Variants in MYCBPAP observed in about 807,000 individuals in gnomAD.
MYCBPAP encodes the protein MYCBP associated protein.
A neutral mutation model predicts 106.1 loss-of-function variants in MYCBPAP; 60 were observed. That is an observed-to-expected ratio of 0.57 (90% CI 0.46 to 0.70). The LOEUF is 0.70. Ranked by LOEUF, MYCBPAP falls within the 30% of genes least tolerant of loss-of-function variation. The probability of loss-of-function intolerance (pLI) is 0.00; values close to 1 mark genes in which losing one functional copy is unlikely to be tolerated. For missense variants in MYCBPAP, 1,064 were observed against 1,169.3 expected (o/e 0.91, Z 1.31); for synonymous variants, 407 against 440.6 (o/e 0.92, Z 0.95).
At chr17:50,529,360 T>C in intron 18 of MYCBPAP, 172 bp downstream of exon 18, 2 of 634,062 alleles carry the variant, frequency 3.2e-6, no homozygotes, top group Non-Finnish European at 2.7e-6. Flanking sequence ...CCTAGCATGT[T>C]AGGTGATGAG....
chr17:50,515,904 C>A (rs1202654247), intron 1 of MYCBPAP: 3 of 152,336 alleles, frequency 2.0e-5, no homozygotes, highest in Admixed American at 1.3e-4. Flanking sequence ...AACTCCTGGG[C>A]CCAAGCAATC....
At chr17:50,509,988 G>A (rs868231784) in intron 1 of MYCBPAP, 1 of 152,252 alleles carries the variant, frequency 6.6e-6, no homozygotes, top group Non-Finnish European at 1.5e-5. Context: ...GGTCTAGGAA[G>A]CAGCATGAGT....
Position 50,527,380 on chromosome 17 carries a change from T to C in MYCBPAP, c.2263T>C (p.Leu755=), listed in dbSNP as rs764660692. 1.9e-5 allele frequency: 31 copies of C among 1,613,950 alleles called. No individual in the cohort carries two copies. The highest frequency in any genetic ancestry group is 1.4e-4 in the South Asian group (13 of 91,072). ...GGAGCTGTGCCAGAAGCCAAGGCCA[T>C]TGCAGTCCAACCTCCTGCACCAGAT... is the stretch of plus-strand genomic sequence containing the variant. ...ALELCQKPRP[L]QSNLLHQMCL... is the part of the protein sequence containing the mutation. The change falls in exon 15 of 19, where the codon TTG becomes CTG. Residue 755 remains leucine (L), a synonymous_variant. Transcript: ENST00000323776.
At position 50,525,916 on chromosome 17, in the gene MYCBPAP, C is replaced by A. The variant is rs1224068621; in HGVS notation, c.1818C>A (p.His606Gln). The A allele has an allele frequency of 1.9e-6, 3 of 1,612,488 alleles. No homozygotes were observed. In the African/African-American group the frequency reaches 4.0e-5, roughly 22 times the overall value. Residue 606 changes from histidine to glutamine, a missense_variant, in exon 14 of 19, where the codon CAC (histidine) becomes CAA (glutamine). Physicochemically the swap from His to Gln is conservative, Grantham distance 24. Coordinates refer to ENST00000323776, the MANE Select transcript of MYCBPAP (RefSeq NM_032133.6). ...AGCACCAAGTGGTGCAAAGCCTGCA[C>A]CAACTGTGGCGCCAGTACATGACCC... ...HYEHQVVQSL[H>Q]QLWRQYMTLP...
intron 2 of MYCBPAP, 25 bp downstream of exon 2, chr17:50,516,722 T>G: frequency 1.2e-6 from 2 of 1,612,946 alleles, no homozygotes; most frequent in Non-Finnish European, 1.7e-6. Flanking sequence ...CAAGCTTCCC[T>G]TACCATAGAA....
chr17:50,527,458 C>G, intron 15 of MYCBPAP, 50 bp downstream of exon 15: 1 of 1,607,604 alleles, frequency 6.2e-7, no homozygotes, highest in Non-Finnish European at 8.5e-7. Context: ...TTTGTGGCAT[C>G]TGCAGGGGTC....
chr17:50,513,841 A>T (rs1371500253), intron 1 of MYCBPAP, among the ~76,000 whole-genome samples: 1 of 152,184 alleles, frequency 6.6e-6, no homozygotes, highest in African/African-American at 2.4e-5. Flanking sequence ...TTTGTGTAGA[A>T]GGGAGAAGGG....
intron 14 of MYCBPAP, among the ~76,000 whole-genome samples, chr17:50,526,898 A>G (rs1473743922): frequency 2.0e-5 from 3 of 152,048 alleles, no homozygotes; most frequent in African/African-American, 7.2e-5. Context: ...TATTTTTAGT[A>G]GAGACGGGGT....
intron 10 of MYCBPAP, chr17:50,522,709 A>AAATATATATATATATATAT: frequency 1.4e-4 from 7 of 50,040 alleles, no homozygotes; most frequent in African/African-American, 7.2e-4. Context: ...AAAAAAAAAA[A>AAATATATATATATATATAT]ATATATATAT....
Position 50,517,682 on chromosome 17 carries a change from C to A in MYCBPAP, c.452C>A (p.Ala151Asp). The A allele has an allele frequency of 1.2e-6, 2 of 1,614,090 alleles. No homozygotes were observed. Among genetic ancestry groups the A allele is most frequent in the Non-Finnish European group, 1.7e-6 (2 of 1,179,984 alleles). Residue 151 changes from alanine to aspartate, a missense_variant, in exon 4 of 19, where the codon GCT (alanine) becomes GAT (aspartate). Coordinates refer to ENST00000323776, the MANE Select transcript of MYCBPAP (RefSeq NM_032133.6). ...CAGGATTTTAAGAGAATTGCACTTG[C>A]TCGAGGGAACACCCAGGTTTGTTTG... ...SLQDFKRIAL[A>D]RGNTQLAERI...
chr17:50,526,315 G>T, intron 14 of MYCBPAP, 48 bp downstream of exon 14: 2 of 1,523,584 alleles, frequency 1.3e-6, no homozygotes, highest in African/African-American at 1.4e-5. Flanking sequence ...TTCCTGCCTC[G>T]AACCAACAAG....
chr17:50,520,019 G>A lies in MYCBPAP; in HGVS notation c.916+232G>A, dbSNP rs989457556. 25 of 495,062 alleles carry A rather than the reference G, an allele frequency of 5.0e-5. 1 individual carries two copies. The highest frequency in any genetic ancestry group is 1.7e-4 in the East Asian group (5 of 29,466). The allele number at this position is 495,062 out of a possible 1,614,324, so 30.7% of individuals were successfully genotyped here. A position where few individuals can be genotyped will look rare whatever the true frequency, so the allele number is the denominator to read the frequency against. Reference sequence around the variant, plus strand: ...ACTGGAGTGCAGCCATAGAGCTGCCGTCCAGTGTGGAGCCTTGAGCCACAT... The same window carrying A: ...ACTGGAGTGCAGCCATAGAGCTGCCATCCAGTGTGGAGCCTTGAGCCACAT... On this transcript the variant is annotated intron_variant, in intron 7 of 18. Transcript: ENST00000323776.
In MYCBPAP at chr17:50,529,240, A is replaced by C. The variant is rs763433356; in HGVS notation, c.2724+52A>C. The C allele has an allele frequency of 4.5e-6, 7 of 1,544,510 alleles. No individual in the cohort carries two copies. The South Asian group carries it at 8.2e-5, about 18-fold the overall frequency. ...CCCCTGCCTCCCACCTGCCTTATTC[A>C]TTCCGTTCAGTCTGCAGACAATAAG... On this transcript the variant is annotated intron_variant, in intron 18 of 18. Coordinates refer to ENST00000323776, the MANE Select transcript of MYCBPAP (RefSeq NM_032133.6).
At chr17:50,513,747 A>G (rs924162759) in intron 1 of MYCBPAP, among the ~76,000 whole-genome samples, 8 of 152,250 alleles carry the variant, frequency 5.3e-5, no homozygotes, top group East Asian at 1.9e-4. Context: ...AATGTCCTAG[A>G]AAGTACAGAT....
intron 18 of MYCBPAP, chr17:50,529,478 A>G (rs530144645): frequency 2.7e-4 from 108 of 401,898 alleles, no homozygotes; most frequent in African/African-American, 1.8e-3. Context: ...GGCCAAGTAG[A>G]CGTCCAGTAA....
intron 18 of MYCBPAP, chr17:50,530,025 G>A: frequency 1.1e-5 from 4 of 367,814 alleles, no homozygotes; most frequent in South Asian, 8.0e-5. Context: ...CTGGGGAGCT[G>A]GGATTACATC....
At chr17:50,509,575 T>TG (rs3062978) in intron 1 of MYCBPAP, 21 of 157,274 alleles carry the variant, frequency 1.3e-4, no homozygotes, top group South Asian at 1.3e-3. Context: ...TGTGTGTGTG[T>TG]TTGTAAACAG....
chr17:50,510,751 G>A (rs1302700048), intron 1 of MYCBPAP, among the ~76,000 whole-genome samples: 2 of 146,790 alleles, frequency 1.4e-5, no homozygotes, highest in African/African-American at 5.1e-5. Flanking sequence ...AAACTCCTGG[G>A]CTCAAGCGAT....
intron 11 of MYCBPAP, 82 bp downstream of exon 11, chr17:50,523,210 G>A (rs2034341886): frequency 1.4e-6 from 2 of 1,398,058 alleles, no homozygotes; most frequent in Non-Finnish European, 2.0e-6. Flanking sequence ...GTTTAGTTAT[G>A]GCCCAGCTCC....
Sources: allele counts gnomAD v4.1 joint callset (sites outside exome capture counted in the v4.1 genomes callset), GRCh38; gene constraint gnomAD v4.1.1; transcripts MANE v1.5; gene names NCBI Gene and HGNC (gene_info 2026-07-23, HGNC 2026-07-21).